Variants in ANKS1B observed in about 807,000 individuals in gnomAD.
ANKS1B encodes the protein ankyrin repeat and sterile alpha motif domain containing 1B.
ANKS1B carries 36 observed loss-of-function variants against 148.3 expected under a neutral mutation model. The ratio of observed to expected loss-of-function variants is 0.24; its 90% CI spans 0.19 to 0.32. ANKS1B has a LOEUF of 0.32. Ranked by LOEUF, ANKS1B falls within the 10% of genes least tolerant of loss-of-function variation. The pLI is 1.00. For missense variants in ANKS1B, 1,157 were observed against 1,542.6 expected (o/e 0.75, Z 4.19); for synonymous variants, 542 against 560.8 (o/e 0.97, Z 0.47).
chr12:99,344,092 C>A (rs963008072), intron 12 of ANKS1B, among the ~76,000 whole-genome samples: 5 of 152,108 alleles, frequency 3.3e-5, no homozygotes, highest in African/African-American at 1.2e-4. Context: ...GCATTACTTA[C>A]CTTGACAAAC....
At chr12:98,947,279 G>C (rs895315945) in intron 17 of ANKS1B, among the ~76,000 whole-genome samples, 39 of 152,284 alleles carry the variant, frequency 2.6e-4, no homozygotes, top group Middle Eastern at 3.4e-3. Flanking sequence ...TTTTGGAGCA[G>C]TAAAGGAAGG....
chr12:99,743,921 A>C (rs1053483874), intron 8 of ANKS1B, among the ~76,000 whole-genome samples: 4 of 152,190 alleles, frequency 2.6e-5, no homozygotes, highest in African/African-American at 9.7e-5. Flanking sequence ...TCTCGGCTTT[A>C]ATTGTGTTGA....
intron 8 of ANKS1B, among the ~76,000 whole-genome samples, chr12:99,771,804 G>A (rs1474960509): frequency 2.0e-5 from 3 of 151,970 alleles, no homozygotes; most frequent in African/African-American, 7.2e-5. Flanking sequence ...AGGCCAAGGA[G>A]GTAGGACTAG....
At chr12:98,775,199 T>C (rs1003045417) in intron 24 of ANKS1B, among the ~76,000 whole-genome samples, 6 of 152,140 alleles carry the variant, frequency 3.9e-5, no homozygotes, top group Non-Finnish European at 5.9e-5. Flanking sequence ...TTTGTGTTCT[T>C]GAGATCTTTT....
intron 17 of ANKS1B, among the ~76,000 whole-genome samples, chr12:98,946,316 C>T (rs61932194): frequency 0.087 from 13,195 of 152,250 alleles, 789 homozygotes; most frequent in Non-Finnish European, 0.13. Flanking sequence ...TTCCCTATCC[C>T]TGCACTCACC....
intron 1 of ANKS1B, among the ~76,000 whole-genome samples, chr12:99,867,130 T>C (rs2090866127): frequency 6.6e-6 from 1 of 152,202 alleles, no homozygotes; most frequent in Non-Finnish European, 1.5e-5. Flanking sequence ...ACTGTAAAGA[T>C]TAAATGAAAG....
At chr12:99,510,379 C>G (rs1341010941) in intron 9 of ANKS1B, among the ~76,000 whole-genome samples, 1 of 151,906 alleles carries the variant, frequency 6.6e-6, no homozygotes, top group Non-Finnish European at 1.5e-5. Context: ...CCATTCAGAA[C>G]ATTTGTGATT....
chr12:98,853,944 G>T (rs987934316), intron 17 of ANKS1B, among the ~76,000 whole-genome samples: 1 of 152,192 alleles, frequency 6.6e-6, no homozygotes. Context: ...GGGGGCTGTT[G>T]TTCCATAATC....
intron 17 of ANKS1B, among the ~76,000 whole-genome samples, chr12:98,889,962 A>G (rs2099748785): frequency 6.6e-6 from 1 of 152,174 alleles, no homozygotes; most frequent in African/African-American, 2.4e-5. Flanking sequence ...GAAAGGAATT[A>G]AAGAGGACGT....
At chr12:99,884,872 A>T (rs1046945188) in intron 1 of ANKS1B, among the ~76,000 whole-genome samples, 1 of 152,096 alleles carries the variant, frequency 6.6e-6, no homozygotes. Context: ...TACACCAAAA[A>T]CAGTAAATTT....
intron 17 of ANKS1B, chr12:98,931,689 T>C (rs145566991): frequency 2.6e-5 from 4 of 152,306 alleles, no homozygotes; most frequent in African/African-American, 7.2e-5. Flanking sequence ...CTTTTGTGTG[T>C]GACAGGAAGG....
intron 8 of ANKS1B, among the ~76,000 whole-genome samples, chr12:99,753,898 C>G (rs1242613604): frequency 6.6e-6 from 1 of 152,014 alleles, no homozygotes; most frequent in Admixed American, 6.6e-5. Context: ...TGCTGGGCAC[C>G]TGTAATCCCA....
intron 9 of ANKS1B, among the ~76,000 whole-genome samples, chr12:99,531,133 A>G (rs895869578): frequency 6.6e-6 from 1 of 152,192 alleles, no homozygotes; most frequent in African/African-American, 2.4e-5. Flanking sequence ...ACTTGACTAC[A>G]TAGCTTGCTT....
chr12:98,812,578 T>C lies in ANKS1B; in HGVS notation c.3067-4660A>G, dbSNP rs182583086. ...TGTGTTTGAGTTGTGAAAATTATTA[T>C]TTTATTTTTTTTGACACAGAACCTT... On this transcript the variant is annotated intron_variant, in intron 19 of 26. Transcript: ENST00000683438. 1.1e-4 allele frequency among the ~76,000 whole-genome samples: 16 copies of C among 152,292 alleles called. No individual in the cohort carries two copies. The East Asian group carries it at 2.9e-3, about 28-fold the overall frequency.
intron 8 of ANKS1B, among the ~76,000 whole-genome samples, chr12:99,664,933 T>C (rs931384091): frequency 2.6e-5 from 4 of 152,222 alleles, no homozygotes; most frequent in Non-Finnish European, 4.4e-5. Flanking sequence ...GATTCATTCC[T>C]ACTTTTGCAT....
At chr12:99,394,932 C>T (rs1253159500) in intron 12 of ANKS1B, among the ~76,000 whole-genome samples, 1 of 152,148 alleles carries the variant, frequency 6.6e-6, no homozygotes, top group Non-Finnish European at 1.5e-5. Context: ...CCTTCTCTTC[C>T]CCAAATCTCT....
intron 9 of ANKS1B, among the ~76,000 whole-genome samples, chr12:99,542,038 A>T (rs895494513): frequency 6.6e-6 from 1 of 152,204 alleles, no homozygotes; most frequent in Non-Finnish European, 1.5e-5. Flanking sequence ...CACTATTTCC[A>T]TTCAACATTG....
intron 12 of ANKS1B, among the ~76,000 whole-genome samples, chr12:99,349,644 T>C (rs1468304713): frequency 1.3e-5 from 2 of 152,054 alleles, no homozygotes; most frequent in Non-Finnish European, 2.9e-5. Flanking sequence ...ATTAAAAGCA[T>C]ACATGCACCT....
intron 10 of ANKS1B, among the ~76,000 whole-genome samples, chr12:99,454,014 A>T (rs1306810650): frequency 6.6e-6 from 1 of 152,248 alleles, no homozygotes; most frequent in African/African-American, 2.4e-5. Context: ...AAGAACTCAA[A>T]GAGGGAGAAG....
Sources: gnomAD v4.1 joint callset for allele counts (sites outside exome capture counted in the v4.1 genomes callset) on GRCh38, gnomAD v4.1.1 for gene constraint, MANE v1.5 for transcripts, NCBI Gene and HGNC (gene_info 2026-07-23, HGNC 2026-07-21) for gene names.